Variants in LGR4 observed in about 807,000 individuals in gnomAD.
The protein encoded by LGR4 is leucine-rich repeat-containing G protein-coupled receptor 4.
LGR4 carries 44 observed loss-of-function variants against 84.8 expected under a neutral mutation model. The observed-to-expected ratio is 0.52, with a 90% CI of 0.41 to 0.67. LGR4 has a LOEUF of 0.67. Ranked by LOEUF, LGR4 falls within the 30% of genes least tolerant of loss-of-function variation. The probability of loss-of-function intolerance (pLI) is 0.00; values close to 1 mark genes in which losing one functional copy is unlikely to be tolerated. For synonymous variants in LGR4, 429 were observed against 434.3 expected (o/e 0.99, Z 0.15); for missense variants, 1,032 against 1,131.4 (o/e 0.91, Z 1.26).
At chr11:27,374,165 C>T in intron 13 of LGR4, 119 bp from the exon 14 acceptor site, 1 of 713,020 alleles carries the variant, frequency 1.4e-6, no homozygotes, top group East Asian at 2.5e-5. Context: ...TAACAAAGAT[C>T]TTCAATCTTG....
intron 1 of LGR4, among the ~76,000 whole-genome samples, chr11:27,441,894 T>C (rs936013636): frequency 4.6e-5 from 7 of 152,066 alleles, no homozygotes; most frequent in Non-Finnish European, 7.4e-5. Context: ...AATCCTCCTT[T>C]AAAGGGGACC....
At chr11:27,409,975 A>G (rs1256678327) in intron 2 of LGR4, among the ~76,000 whole-genome samples, 2 of 152,310 alleles carry the variant, frequency 1.3e-5, no homozygotes, top group Admixed American at 1.3e-4. Flanking sequence ...AATGTTGTCC[A>G]ATAGAACTTT....
intron 1 of LGR4, among the ~76,000 whole-genome samples, chr11:27,437,375 C>G (rs1448573756): frequency 1.3e-5 from 2 of 152,024 alleles, no homozygotes; most frequent in Non-Finnish European, 2.9e-5. Flanking sequence ...AGACATGCTA[C>G]TATTTTCTAG....
chr11:27,388,060 G>C (rs1863218422), intron 4 of LGR4, among the ~76,000 whole-genome samples: 1 of 152,088 alleles, frequency 6.6e-6, no homozygotes, highest in African/African-American at 2.4e-5. Flanking sequence ...AACAATAAAA[G>C]CATGGATACA....
At chr11:27,395,479 A>C (rs1215023626) in intron 2 of LGR4, among the ~76,000 whole-genome samples, 1 of 152,180 alleles carries the variant, frequency 6.6e-6, no homozygotes, top group Non-Finnish European at 1.5e-5. Flanking sequence ...CTTTTCCCAA[A>C]TCTCTGCCCG....
rs1166062875 is a variant in LGR4, at chr11:27,367,030, T to C, written c.*837A>G. 6.6e-6 allele frequency: 1 copy of C among 152,212 alleles called. No individual in the cohort carries two copies. The allele number at this position is 152,212 out of a possible 1,614,324, so 9.4% of individuals were successfully genotyped here. A position where few individuals can be genotyped will look rare whatever the true frequency, so the allele number is the denominator to read the frequency against. On this transcript the variant is annotated 3_prime_UTR_variant, in exon 18 of 18. Coordinates refer to ENST00000379214, the MANE Select transcript of LGR4 (RefSeq NM_018490.5). The stretch of plus-strand genomic sequence containing the variant: ...AACGATATTAGGAAGTATTCATTAA[T>C]GAGAACATTACATGAAGCCACCAAA...
chr11:27,377,164 T>A lies in LGR4; in HGVS notation c.1103A>T (p.Glu368Val). ...AAGTCAAAGACCAACTCACATTTCTTCCAGAGCATGGCAACCATTAAAACT... is the reference window on the plus strand; with the variant it reads ...AAGTCAAAGACCAACTCACATTTCTACCAGAGCATGGCAACCATTAAAACT... Reference protein sequence around the residue: ...LPSFNGCHALEEISLQRNQIY... With the variant: ...LPSFNGCHALVEISLQRNQIY... The change falls in exon 12 of 18, where the codon GAA (glutamate) becomes GTA (valine). Residue 368 changes from glutamate (E) to valine (V), a missense_variant. Physicochemically the swap from Glu to Val is moderately radical, Grantham distance 121. Coordinates refer to ENST00000379214, the MANE Select transcript of LGR4 (RefSeq NM_018490.5). 1 of 1,581,970 alleles carries A rather than the reference T, an allele frequency of 6.3e-7. No individual in the cohort carries two copies. The highest frequency in any genetic ancestry group is 1.1e-5 in the South Asian group (1 of 88,770).
chr11:27,450,619 T>C (rs1864466637), intron 1 of LGR4, among the ~76,000 whole-genome samples: 4 of 152,124 alleles, frequency 2.6e-5, no homozygotes, highest in Non-Finnish European at 4.4e-5. Flanking sequence ...AGAAACCTCA[T>C]CTCTAATAAA....
At chr11:27,469,999 T>G (rs1315493703) in intron 1 of LGR4, among the ~76,000 whole-genome samples, 1 of 152,094 alleles carries the variant, frequency 6.6e-6, no homozygotes, top group Non-Finnish European at 1.5e-5. Context: ...AAAACCCTTT[T>G]AGAGAGGGTG....
intron 6 of LGR4, 33 bp downstream of exon 6, chr11:27,384,303 C>G: frequency 7.3e-7 from 1 of 1,375,892 alleles, no homozygotes; most frequent in Non-Finnish European, 1.0e-6. Context: ...TTCAATATCA[C>G]AATGCAGTTG....
intron 1 of LGR4, among the ~76,000 whole-genome samples, chr11:27,454,485 C>T (rs1178505750): frequency 6.6e-6 from 1 of 152,166 alleles, no homozygotes; most frequent in Non-Finnish European, 1.5e-5. Context: ...ATTGGCCGGG[C>T]ACAGTGGCTC....
intron 2 of LGR4, among the ~76,000 whole-genome samples, chr11:27,404,126 C>G (rs965460046): frequency 6.6e-6 from 1 of 152,140 alleles, no homozygotes; most frequent in African/African-American, 2.4e-5. Context: ...TACTTACAGT[C>G]AGTACTATAT....
At chr11:27,405,917 A>C (rs1248377781) in intron 2 of LGR4, among the ~76,000 whole-genome samples, 1 of 152,138 alleles carries the variant, frequency 6.6e-6, no homozygotes, top group African/African-American at 2.4e-5. Flanking sequence ...ATCTGAACAA[A>C]TCATTCCCTA....
At chr11:27,398,232 C>T (rs1019657038) in intron 2 of LGR4, among the ~76,000 whole-genome samples, 3 of 152,168 alleles carry the variant, frequency 2.0e-5, no homozygotes, top group Admixed American at 1.3e-4. Context: ...ATATGGGGCA[C>T]TGGTCAAGGG....
At position 27,472,330 on chromosome 11, in the gene LGR4, C is replaced by T; in HGVS notation, c.-28G>A. ...CTGCGGCCGCCTCCCGCGCCGGCCT[C>T]TCCCGCGGCGCTGCTCGCTCCGCTG... On this transcript the variant is annotated 5_prime_UTR_variant, in exon 1 of 18. Coordinates refer to ENST00000379214, the MANE Select transcript of LGR4 (RefSeq NM_018490.5). 8.4e-7 allele frequency: 1 copy of T among 1,195,768 alleles called. No individual in the cohort carries two copies. Among genetic ancestry groups the T allele is most frequent in the Non-Finnish European group, 1.0e-6 (1 of 964,766 alleles). The allele number at this position is 1,195,768 out of a possible 1,614,324, so 74.1% of individuals were successfully genotyped here. A position where few individuals can be genotyped will look rare whatever the true frequency, so the allele number is the denominator to read the frequency against.
rs12271369 is a variant in LGR4, at chr11:27,460,299, G to T, written c.185+11819C>A. ...GAAACCTTTAAAGGTCATTGCAGCA[G>T]TGTTTGGCTAGCAGGACAATGATCA... is the stretch of plus-strand genomic sequence containing the variant. On this transcript the variant is annotated intron_variant, in intron 1 of 17. Coordinates refer to ENST00000379214, the MANE Select transcript of LGR4 (RefSeq NM_018490.5). Among the ~76,000 whole-genome samples, 348 of 152,256 alleles carry T rather than the reference G, an allele frequency of 2.3e-3. 1 individual carries two copies. Among genetic ancestry groups the T allele is most frequent in the African/African-American group, 8.0e-3 (332 of 41,564 alleles).
Position 27,472,310 on chromosome 11 carries a change from G to C in LGR4, c.-8C>G. ...CCCTAGCGGGCCCGGCATTGCTGCG[G>C]CCGCCTCCCGCGCCGGCCTCTCCCG... On this transcript the variant is annotated 5_prime_UTR_variant, in exon 1 of 18. Transcript: ENST00000379214. The C allele has an allele frequency of 2.5e-6, 3 of 1,199,150 alleles. No homozygotes were observed. The highest frequency in any genetic ancestry group is 3.1e-6 in the Non-Finnish European group (3 of 967,324). The allele number at this position is 1,199,150 out of a possible 1,614,324, so 74.3% of individuals were successfully genotyped here.
rs997249034 is a variant in LGR4 at position 27,435,548 on chromosome 11, T to G, written c.186-22688A>C. Among the ~76,000 whole-genome samples the G allele has an allele frequency of 4.8e-4, 72 of 150,192 alleles. 4 individuals carry two copies. In the South Asian group the frequency reaches 0.015, roughly 32 times the overall value. The stretch of plus-strand genomic sequence containing the variant: ...TGTTGCCCAGGCTGGAGTGCAGTGG[T>G]GCAATCTCGGTTCACTGCAACCTCC... On this transcript the variant is annotated intron_variant, in intron 1 of 17. Coordinates refer to ENST00000379214, the MANE Select transcript of LGR4 (RefSeq NM_018490.5).
chr11:27,430,664 A>G (rs1303698802), intron 1 of LGR4, among the ~76,000 whole-genome samples: 1 of 152,016 alleles, frequency 6.6e-6, no homozygotes, highest in Non-Finnish European at 1.5e-5. Flanking sequence ...AATCCAAGCC[A>G]TCACCATCTC....
Sources: gnomAD v4.1 joint callset for allele counts (sites outside exome capture counted in the v4.1 genomes callset) on GRCh38, gnomAD v4.1.1 for gene constraint, MANE v1.5 for transcripts, NCBI Gene and HGNC (gene_info 2026-07-23, HGNC 2026-07-21) for gene names.